Variants in PLCXD1 observed in about 807,000 individuals in gnomAD.
The protein encoded by PLCXD1 is phosphatidylinositol specific phospholipase C X domain containing 1.
In PLCXD1, 45 loss-of-function variants were observed where a neutral mutation model predicts 37.8. The observed-to-expected ratio is 1.19, with a 90% CI of 0.94 to 1.53. The LOEUF (loss-of-function observed/expected upper bound fraction) is 1.53. PLCXD1 is among the 40% of genes most tolerant of loss of function. The pLI is 0.00. For missense variants in PLCXD1, 539 were observed against 454.7 expected, an observed-to-expected ratio of 1.19 and a Z score of -1.69; for synonymous variants, 246 against 206.9, an observed-to-expected ratio of 1.19 and a Z score of -1.62.
In PLCXD1 at chrX:302,609, G is replaced by T. The variant is rs927850022; in HGVS notation, c.*3274G>T. ...TGTTTTGAGACGGAGTTTCGCTCTC[G>T]TTGCCGAGGCTGGAGTGTAGTAGTG... On this transcript the variant is annotated 3_prime_UTR_variant, in exon 7 of 7. Transcript: ENST00000381657. The T allele has an allele frequency of 2.6e-5, 4 of 152,010 alleles. No individual in the cohort carries two copies. Among genetic ancestry groups the T allele is most frequent in the Non-Finnish European group, 4.4e-5 (3 of 68,034 alleles). 9.4% of individuals were successfully genotyped at this position (152,010 alleles called of 1,614,324 possible). A position where few individuals can be genotyped will look rare whatever the true frequency, so the allele number is the denominator to read the frequency against.
chrX:296,092 T>G (rs111519310), intron 6 of PLCXD1, among the ~76,000 whole-genome samples: 3 of 151,754 alleles, frequency 2.0e-5, no homozygotes, highest in Admixed American at 1.3e-4. Context: ...GATTACAGGC[T>G]TGAGCCACTG....
intron 1 of PLCXD1, chrX:283,314 A>T (rs2069334822): frequency 6.7e-6 from 1 of 149,934 alleles, no homozygotes; most frequent in African/African-American, 2.4e-5. Flanking sequence ...CCCTGGACTG[A>T]GACAGAGGGA....
intron 2 of PLCXD1, among the ~76,000 whole-genome samples, chrX:286,417 A>G (rs1439758840): frequency 4.6e-5 from 7 of 152,126 alleles, no homozygotes; most frequent in Non-Finnish European, 1.5e-5. Flanking sequence ...GAGCTGACCT[A>G]GTAAGTAGCT....
rs2069931721 is a variant in PLCXD1 at position 299,474 on chromosome X, G to T, written c.*139G>T. 1 of 717,058 alleles carries T rather than the reference G, an allele frequency of 1.4e-6. No homozygotes were observed. Among genetic ancestry groups the T allele is most frequent in the African/African-American group, 1.8e-5 (1 of 56,990 alleles). 44.4% of individuals were successfully genotyped at this position (717,058 alleles called of 1,614,324 possible). A position where few individuals can be genotyped will look rare whatever the true frequency, so the allele number is the denominator to read the frequency against. Reference sequence around the variant, plus strand: ...TTTTCATTTTCTTTAAAATAGAGATGGGGTGGCTGGGCGTGGTGACTTCGC... The same window carrying T: ...TTTTCATTTTCTTTAAAATAGAGATTGGGTGGCTGGGCGTGGTGACTTCGC... On this transcript the variant is annotated 3_prime_UTR_variant, in exon 7 of 7. Transcript: ENST00000381657.
chrX:287,898 C>T (rs1012258229), intron 2 of PLCXD1, among the ~76,000 whole-genome samples: 3 of 152,060 alleles, frequency 2.0e-5, no homozygotes, highest in South Asian at 2.1e-4. Flanking sequence ...CGTCAGGAGG[C>T]GGCAAAGAAC....
chrX:291,776 G>C, intron 5 of PLCXD1, 122 bp downstream of exon 5: 1 of 1,094,334 alleles, frequency 9.1e-7, no homozygotes, highest in Non-Finnish European at 1.4e-6. Flanking sequence ...TGAAGCCGTC[G>C]AACGGGGGCT....
chrX:300,225 G>A lies in PLCXD1; in HGVS notation c.*890G>A, dbSNP rs2069960587. 6.6e-6 allele frequency: 1 copy of A among 151,900 alleles called. No individual in the cohort carries two copies. Among genetic ancestry groups the A allele is most frequent in the Admixed American group, 6.6e-5 (1 of 15,210 alleles). 9.4% of individuals were successfully genotyped at this position (151,900 alleles called of 1,614,324 possible). Reference sequence around the variant, plus strand: ...CTTATTTCTGTATTCTCCTTGCTGTGGCGTCTGGAGCCCTTACAGACCCAG... The same window carrying A: ...CTTATTTCTGTATTCTCCTTGCTGTAGCGTCTGGAGCCCTTACAGACCCAG... On this transcript the variant is annotated 3_prime_UTR_variant, in exon 7 of 7. Coordinates refer to ENST00000381657, the MANE Select transcript of PLCXD1 (RefSeq NM_018390.4).
upstream of PLCXD1, among the ~76,000 whole-genome samples, chrX:278,266 G>T (rs1383449842): frequency 6.6e-6 from 1 of 151,928 alleles, no homozygotes; most frequent in Non-Finnish European, 1.5e-5. Context: ...GGACTGTGAC[G>T]GGGGAAGGGA....
upstream of PLCXD1, among the ~76,000 whole-genome samples, chrX:279,080 T>C (rs1229576722): frequency 6.6e-6 from 1 of 151,530 alleles, no homozygotes; most frequent in African/African-American, 2.4e-5. Context: ...CAGCAAAAGG[T>C]GGTTATCTAT....
At chrX:291,206 T>C (rs989154307) in intron 4 of PLCXD1, among the ~76,000 whole-genome samples, 15 of 150,862 alleles carry the variant, frequency 9.9e-5, no homozygotes, top group African/African-American at 2.0e-4. Context: ...AGTGCAGTGG[T>C]GCAATCTCAG....
In PLCXD1 at chrX:300,496, G is replaced by A. The variant is rs771787991; in HGVS notation, c.*1161G>A. ...TGTGTGTGTATATGTGTGTATGTGT[G>A]TATATATGTATATGTGTGCATATGT... On this transcript the variant is annotated 3_prime_UTR_variant, in exon 7 of 7. Transcript: ENST00000381657. 1.5e-5 allele frequency: 2 copies of A among 136,236 alleles called. No homozygotes were observed. The highest frequency in any genetic ancestry group is 1.6e-5 in the Non-Finnish European group (1 of 63,718). 8.4% of individuals were successfully genotyped at this position (136,236 alleles called of 1,614,324 possible).
rs767003646 is a variant in PLCXD1, at chrX:290,725, G to A, written c.342G>A (p.Ser114=). Residue 114 remains serine (S), a synonymous_variant, in exon 4 of 7, where the codon TCG becomes TCA. Coordinates refer to ENST00000381657, the MANE Select transcript of PLCXD1 (RefSeq NM_018390.4). ...GGATAGCCCACATGCTGGAGGGCTCGGAGAAGAACCTGCACTTTGTCCATA... is the reference window on the plus strand; with the variant it reads ...GGATAGCCCACATGCTGGAGGGCTCAGAGAAGAACCTGCACTTTGTCCATA... ...DLRIAHMLEG[S]EKNLHFVHMV... 8.2e-5 allele frequency: 133 copies of A among 1,613,816 alleles called. No homozygotes were observed. Among genetic ancestry groups the A allele is most frequent in the Non-Finnish European group, 9.4e-5 (111 of 1,179,798 alleles).
upstream of PLCXD1, among the ~76,000 whole-genome samples, chrX:278,636 G>A (rs1223113586): frequency 1.3e-5 from 2 of 151,400 alleles, no homozygotes; most frequent in Non-Finnish European, 2.9e-5. Context: ...CTACTTGGGA[G>A]GCTGAGATAG....
At chrX:289,337 C>G (rs190007335) in intron 3 of PLCXD1, among the ~76,000 whole-genome samples, 1 of 151,136 alleles carries the variant, frequency 6.6e-6, no homozygotes, top group Non-Finnish European at 1.5e-5. Context: ...TCTGCCCGCC[C>G]CAGCCTCCGA....
At chrX:290,626 T>C in intron 3 of PLCXD1, 22 bp from the exon 4 acceptor site, 1 of 1,613,064 alleles carries the variant, frequency 6.2e-7, no homozygotes, top group South Asian at 1.1e-5. Context: ...CAGGCAGACA[T>C]GACAGCAGCC....
chrX:286,950 A>G (rs370439623), intron 2 of PLCXD1, among the ~76,000 whole-genome samples: 3 of 151,268 alleles, frequency 2.0e-5, no homozygotes, highest in Non-Finnish European at 4.4e-5. Flanking sequence ...CTTCGTTCCA[A>G]TGCCTCTCGG....
rs781652154 is a variant in PLCXD1, at chrX:299,305, C to T, written c.942C>T (p.Ile314=). The T allele has an allele frequency of 2.9e-5, 46 of 1,613,686 alleles. 1 individual carries two copies. In the South Asian group the frequency reaches 4.0e-4, roughly 14 times the overall value. The part of the protein sequence containing the change: ...IGADGFVSDV[I]ALNQKLLWC ...CAGACGGCTTCGTCAGTGACGTCAT[C>T]GCGCTCAATCAGAAGCTGCTGTGGT... Residue 314 remains isoleucine (I), a synonymous_variant, in exon 7 of 7, where the codon ATC becomes ATT. Coordinates refer to ENST00000381657, the MANE Select transcript of PLCXD1 (RefSeq NM_018390.4).
At chrX:293,851 G>A (rs951017189) in intron 6 of PLCXD1, among the ~76,000 whole-genome samples, 14 of 152,210 alleles carry the variant, frequency 9.2e-5, no homozygotes, top group Non-Finnish European at 1.9e-4. Flanking sequence ...GAGGATTTGT[G>A]GTTGCCGGGG....
In PLCXD1 at chrX:289,514, TTC is replaced by T. The variant is rs2069560656; in HGVS notation, c.264+647_264+648del. Among the ~76,000 whole-genome samples, 2 of 80,356 alleles carry T rather than the reference TTC, an allele frequency of 2.5e-5. 1 individual carries two copies. The allele number at this position is 80,356 out of a possible 152,430, so 52.7% of individuals were successfully genotyped here. A position where few individuals can be genotyped will look rare whatever the true frequency, so the allele number is the denominator to read the frequency against. The stretch of plus-strand genomic sequence containing the variant: ...ACAACACCTTTCTTTTTCTTTCTTT[TTC>T]TTTTTTTTTTTTTTGAGACGGAGTC... On this transcript the variant is annotated intron_variant, in intron 3 of 6. Coordinates refer to ENST00000381657, the MANE Select transcript of PLCXD1 (RefSeq NM_018390.4).
Sources: allele counts gnomAD v4.1 joint callset (sites outside exome capture counted in the v4.1 genomes callset), GRCh38; gene constraint gnomAD v4.1.1; transcripts MANE v1.5; gene names NCBI Gene and HGNC (gene_info 2026-07-23, HGNC 2026-07-21).